PRRC2A: variants seen among roughly 807,000 people sequenced by gnomAD.
PRRC2A encodes the protein proline rich coiled-coil 2A, also known as protein PRRC2A.
Under a neutral mutation model 224.6 loss-of-function variants are expected in PRRC2A, and 59 were observed. The observed-to-expected ratio is 0.26, with a 90% CI of 0.21 to 0.33. PRRC2A has a LOEUF of 0.33. PRRC2A is among the 10% of genes least tolerant of loss of function. The pLI, the probability that PRRC2A is intolerant of heterozygous loss-of-function variation, is 1.00. For synonymous variants in PRRC2A, 1,194 were observed against 1,109.5 expected, an observed-to-expected ratio of 1.08 and a Z score of -1.51; for missense variants, 3,095 against 2,880.7, an observed-to-expected ratio of 1.07 and a Z score of -1.70.
Position 31,636,662 on chromosome 6 carries a change from G to A in PRRC2A, c.5934+54G>A. On this transcript the variant is annotated intron_variant, in intron 27 of 30. Transcript: ENST00000376033. This position sits in a 1 kb window ranked among gnomAD's most constrained non-coding sequence, Gnocchi z 4.3. ...ATTTGATTTCTCTGTCCAGTTGCTG[G>A]CTTTGATTTTCCCTGGTTTTCTGAC... 1 of 1,593,034 alleles carries A rather than the reference G, an allele frequency of 6.3e-7. No individual in the cohort carries two copies. The highest frequency in any genetic ancestry group is 1.3e-5 in the African/African-American group (1 of 74,578).
intron 1 of PRRC2A, among the ~76,000 whole-genome samples, chr6:31,621,441 C>T (rs754430216): frequency 3.2e-4 from 48 of 152,052 alleles, no homozygotes; most frequent in Non-Finnish European, 5.4e-4. Flanking sequence ...CCCCCAACCC[C>T]GTTTTTCTTC....
At chr6:31,634,619 C>G (rs1172831778) in intron 20 of PRRC2A, 62 bp downstream of exon 20, 11 of 1,593,250 alleles carry the variant, frequency 6.9e-6, no homozygotes, top group Non-Finnish European at 7.7e-6. Context: ...TCATACCCCC[C>G]ACCTGCTCTG....
In PRRC2A at chr6:31,625,586, C is replaced by T. The variant is rs781198716; in HGVS notation, c.734C>T (p.Pro245Leu). The part of the protein sequence containing the change: ...LQPSGPPQFP[P>L]YRGMMPPFMY... ...CCTTCAGGCCCACCCCAGTTCCCTC[C>T]CTACCGCGGAATGATGCCGCCTTTC... is the stretch of plus-strand genomic sequence containing the variant. Residue 245 changes from proline to leucine, a missense_variant, in exon 7 of 31, where the codon CCC (proline) becomes CTC (leucine). Pro to Leu is a moderately conservative substitution (Grantham distance 98). This residue lies in a region of PRRC2A where 287 missense variants were observed against 275.3 expected (regional missense o/e 1.04). Coordinates refer to ENST00000376033, the MANE Select transcript of PRRC2A (RefSeq NM_004638.4). The surrounding 1 kb of genome is among the most constrained non-coding windows in gnomAD (Gnocchi z 4.1). 6.4e-7 allele frequency: 1 copy of T among 1,571,102 alleles called. No homozygotes were observed. Among genetic ancestry groups the T allele is most frequent in the Admixed American group, 1.8e-5 (1 of 55,872 alleles).
rs1777005768 is a variant in PRRC2A at position 31,633,938 on chromosome 6, T to C, written c.4668T>C (p.Phe1556=). 3 of 1,596,626 alleles carry C rather than the reference T, an allele frequency of 1.9e-6. No homozygotes were observed. ...TPRDSAGVSP[F]PPKRRERPPR... Reference sequence around the variant, plus strand: ...GGGACTCTGCCGGGGTTAGTCCCTTTCCCCCTAAACGTCGGGAGCGGCCTC... The same window carrying C: ...GGGACTCTGCCGGGGTTAGTCCCTTCCCCCCTAAACGTCGGGAGCGGCCTC... The change falls in exon 18 of 31, where the codon TTT becomes TTC. Residue 1556 remains phenylalanine, a synonymous_variant. Transcript: ENST00000376033.
chr6:31,636,498 G>GT lies in PRRC2A; in HGVS notation c.5836-9dup, dbSNP rs1777364415. 1 of 1,607,338 alleles carries GT rather than the reference G, an allele frequency of 6.2e-7. No individual in the cohort carries two copies. Among genetic ancestry groups the GT allele is most frequent in the Non-Finnish European group, 8.5e-7 (1 of 1,177,240 alleles). On this transcript the variant is annotated splice_polypyrimidine_tract_variant and intron_variant, in intron 26 of 30. Coordinates refer to ENST00000376033, the MANE Select transcript of PRRC2A (RefSeq NM_004638.4). This position sits in a 1 kb window ranked among gnomAD's most constrained non-coding sequence, Gnocchi z 4.3. ...TGTGGGGGTTGATATATTTCTCCCT[G>GT]TTTCCCGACAGGTACGCCAGGATCT... is the stretch of plus-strand genomic sequence containing the variant.
rs1389778761 is a variant in PRRC2A, at chr6:31,632,159, T to C, written c.3486T>C (p.Thr1162=). The C allele has an allele frequency of 1.3e-6, 2 of 1,582,566 alleles. No individual in the cohort carries two copies. The part of the protein sequence containing the change: ...RFTARGGRVF[T]PRGVPSRRGR... ...CTGCCCGGGGTGGGCGAGTCTTCAC[T>C]CCCAGAGGGGTGCCATCTCGCCGGG... The change falls in exon 16 of 31, where the codon ACT becomes ACC. Residue 1162 remains threonine (T), a synonymous_variant. Coordinates refer to ENST00000376033, the MANE Select transcript of PRRC2A (RefSeq NM_004638.4).
intron 3 of PRRC2A, 66 bp downstream of exon 3, chr6:31,623,975 G>T: frequency 6.4e-7 from 1 of 1,571,688 alleles, no homozygotes. Flanking sequence ...GAGCATTGGG[G>T]CTTGGTTTAG....
Position 31,627,238 on chromosome 6 carries a change from G to A in PRRC2A, c.1290+40G>A. 2 of 1,397,426 alleles carry A rather than the reference G, an allele frequency of 1.4e-6. No individual in the cohort carries two copies. Among genetic ancestry groups the A allele is most frequent in the Non-Finnish European group, 2.0e-6 (2 of 1,001,546 alleles). 86.6% of individuals were successfully genotyped at this position (1,397,426 alleles called of 1,614,324 possible). ...TAAGGGATTGAGAGGGTCAGCTGTG[G>A]GAAATTGGTGTCAGCTGAGTAATTG... On this transcript the variant is annotated intron_variant, in intron 11 of 30. Coordinates refer to ENST00000376033, the MANE Select transcript of PRRC2A (RefSeq NM_004638.4). This position sits in a 1 kb window ranked among gnomAD's most constrained non-coding sequence, Gnocchi z 5.6.
At chr6:31,626,928 A>AG in intron 10 of PRRC2A, 54 bp from the exon 11 acceptor site, 1 of 1,607,666 alleles carries the variant, frequency 6.2e-7, no homozygotes, top group South Asian at 1.1e-5. Context: ...ATATACTCTT[A>AG]GAGGAGTATA....
At position 31,636,869 on chromosome 6, in the gene PRRC2A, G is replaced by A. The variant is rs563358815; in HGVS notation, c.6071G>A (p.Arg2024Gln). 1.4e-5 allele frequency: 22 copies of A among 1,612,864 alleles called. No homozygotes were observed. The highest frequency in any genetic ancestry group is 7.7e-5 in the South Asian group (7 of 91,078). ...PALQPPSLAV[R>Q]PPPAPATRVL... is the part of the protein sequence containing the mutation. ...CTGCAGCCCCCCAGCCTGGCTGTGCGGCCCCCACCTGCTCCTGCTACTCGG... is the reference window on the plus strand; with the variant it reads ...CTGCAGCCCCCCAGCCTGGCTGTGCAGCCCCCACCTGCTCCTGCTACTCGG... The change falls in exon 28 of 31, where the codon CGG (arginine) becomes CAG (glutamine). Residue 2024 changes from arginine (R) to glutamine (Q), a missense_variant. Around this residue, in one of 8 missense-constraint regions of PRRC2A, gnomAD observed 662 missense variants for 609.5 expected, o/e 1.09. Transcript: ENST00000376033. This position sits in a 1 kb window ranked among gnomAD's most constrained non-coding sequence, Gnocchi z 4.3.
intron 30 of PRRC2A, 25 bp from the exon 31 acceptor site, chr6:31,637,419 ACT>A (rs752116388): frequency 6.3e-7 from 1 of 1,599,136 alleles, no homozygotes; most frequent in South Asian, 1.1e-5. Context: ...ACTGTGACTC[ACT>A]GTTTAACACA....
At position 31,629,562 on chromosome 6, in the gene PRRC2A, G is replaced by A. The variant is rs199833002; in HGVS notation, c.1971G>A (p.Lys657=). Residue 657 remains lysine, a synonymous_variant, in exon 14 of 31, where the codon AAG becomes AAA. Transcript: ENST00000376033. ...FQRQQQEQLL[K]QQQQHQWQQH... ...TCCTTTCCTAGGAGCAGCTCCTGAA[G>A]CAGCAGCAGCAGCACCAGTGGCAGC... 16 of 1,547,094 alleles carry A rather than the reference G, an allele frequency of 1.0e-5. No individual in the cohort carries two copies. The East Asian group carries it at 3.6e-4, about 35-fold the overall frequency.
rs758319710 is a variant in PRRC2A at position 31,632,081 on chromosome 6, T to C, written c.3408T>C (p.Pro1136=). Residue 1136 remains proline (P), a synonymous_variant, in exon 16 of 31, where the codon CCT becomes CCC. Coordinates refer to ENST00000376033, the MANE Select transcript of PRRC2A (RefSeq NM_004638.4). ...TPKEGTLTQV[P]LAPPPPGAPP... Reference sequence around the variant, plus strand: ...AGGAGGGAACACTCACCCAGGTCCCTCTCGCTCCCCCACCACCAGGAGCCC... The same window carrying C: ...AGGAGGGAACACTCACCCAGGTCCCCCTCGCTCCCCCACCACCAGGAGCCC... 11 of 1,553,910 alleles carry C rather than the reference T, an allele frequency of 7.1e-6. No individual in the cohort carries two copies. Among genetic ancestry groups the C allele is most frequent in the Admixed American group, 3.8e-5 (2 of 53,192 alleles).
In PRRC2A at chr6:31,627,341, G is replaced by A. The variant is rs1430718042; in HGVS notation, c.1290+143G>A. 1.1e-5 allele frequency: 7 copies of A among 653,654 alleles called. No homozygotes were observed. The highest frequency in any genetic ancestry group is 2.9e-5 in the Admixed American group (1 of 34,026). 40.5% of individuals were successfully genotyped at this position (653,654 alleles called of 1,614,324 possible). A position where few individuals can be genotyped will look rare whatever the true frequency, so the allele number is the denominator to read the frequency against. ...GCCAGGCTGCAGAACATCCTGGGAAGCTTTTAAATATCTTTGGTAATAGGG... is the reference window on the plus strand; with the variant it reads ...GCCAGGCTGCAGAACATCCTGGGAAACTTTTAAATATCTTTGGTAATAGGG... On this transcript the variant is annotated intron_variant, in intron 11 of 30. Coordinates refer to ENST00000376033, the MANE Select transcript of PRRC2A (RefSeq NM_004638.4). The surrounding 1 kb of genome is among the most constrained non-coding windows in gnomAD (Gnocchi z 5.6).
Position 31,633,880 on chromosome 6 carries a change from G to C in PRRC2A, c.4610G>C (p.Gly1537Ala). The C allele has an allele frequency of 8.9e-6, 14 of 1,580,530 alleles. No homozygotes were observed. Among genetic ancestry groups the C allele is most frequent in the Non-Finnish European group, 1.1e-5 (13 of 1,171,748 alleles). The change falls in exon 18 of 31, where the codon GGG becomes GCG. Residue 1537 changes from glycine to alanine, a missense_variant. Gly to Ala is a moderately conservative substitution (Grantham distance 60). Transcript: ENST00000376033. ...CCAGACCCCCACTTTGAGGAGCCGG[G>C]GCCAATGGTGAGAGGGGTGGGTGGG... is the stretch of plus-strand genomic sequence containing the variant. ...LSSDPHFEEPGPMVRGVGGTP... is the reference protein window; with the variant it reads ...LSSDPHFEEPAPMVRGVGGTP...
Position 31,635,415 on chromosome 6 carries a change from G to A in PRRC2A, c.5323G>A (p.Val1775Ile), listed in dbSNP as rs756492029. 3.1e-6 allele frequency: 5 copies of A among 1,614,266 alleles called. No individual in the cohort carries two copies. Among genetic ancestry groups the A allele is most frequent in the Admixed American group, 1.7e-5 (1 of 60,034 alleles). The change falls in exon 23 of 31, where the codon GTA becomes ATA. Residue 1775 changes from valine (V) to isoleucine (I), a missense_variant. Val to Ile is a conservative substitution (Grantham distance 29). This residue lies in a region of PRRC2A where 662 missense variants were observed against 609.5 expected (regional missense o/e 1.09). Coordinates refer to ENST00000376033, the MANE Select transcript of PRRC2A (RefSeq NM_004638.4). ...ACAGGACTCAGACTTACGCCTAGTG[G>A]TAGGAGACAGCTTGAAAGCAGAGAA... is the stretch of plus-strand genomic sequence containing the variant. ...SDKDSDLRLV[V>I]GDSLKAEKEL...
At chr6:31,637,354 C>G (rs1409814678) in intron 30 of PRRC2A, 30 bp downstream of exon 30, 1 of 1,604,110 alleles carries the variant, frequency 6.2e-7, no homozygotes, top group South Asian at 1.1e-5. Flanking sequence ...GGCCCCAACT[C>G]TAAATTCGAG....
chr6:31,629,454 C>G (rs979238438), intron 13 of PRRC2A, 94 bp from the exon 14 acceptor site: 21 of 1,433,630 alleles, frequency 1.5e-5, no homozygotes, highest in Non-Finnish European at 2.0e-5. Flanking sequence ...TCCATTGTCA[C>G]GCCAATTTCC....
intron 1 of PRRC2A, 94 bp downstream of exon 1, chr6:31,620,952 G>T (rs1020406617): frequency 1.3e-5 from 2 of 156,548 alleles, no homozygotes; most frequent in Non-Finnish European, 2.8e-5. Context: ...TGGTGGGCCG[G>T]GGGGAGGAGA....
Sources: gnomAD v4.1 joint callset for allele counts (sites outside exome capture counted in the v4.1 genomes callset) on GRCh38, gnomAD v4.1.1 for gene constraint, gnomAD v4.1.1 regional missense constraint, Gnocchi (gnomAD v3.1) non-coding constraint, MANE v1.5 for transcripts, NCBI Gene and HGNC (gene_info 2026-07-23, HGNC 2026-07-21) for gene names.